PPME1: variants seen among roughly 807,000 people sequenced by gnomAD.
The protein encoded by PPME1 is testicular secretory protein Li 39.
PPME1 carries 17 observed loss-of-function variants against 56.9 expected under a neutral mutation model. The ratio of observed to expected loss-of-function variants is 0.30; its 90% CI spans 0.20 to 0.45. The LOEUF (loss-of-function observed/expected upper bound fraction) is 0.45, where lower values mean the gene tolerates loss of function less well. Among genes scored for constraint, PPME1 ranks in the 20% least tolerant of loss-of-function variants. The pLI is 1.00. For missense variants in PPME1, 357 were observed against 483.2 expected (o/e 0.74, Z 2.45); for synonymous variants, 122 against 156.2 (o/e 0.78, Z 1.63).
chr11:74,242,061 AT>A (rs1859374677), intron 9 of PPME1, among the ~76,000 whole-genome samples: 1 of 152,134 alleles, frequency 6.6e-6, no homozygotes, highest in South Asian at 2.1e-4. Flanking sequence ...AGTCATGAAG[AT>A]TTATACCTAT....
At chr11:74,195,514 T>C (rs1421686885) in intron 1 of PPME1, among the ~76,000 whole-genome samples, 2 of 152,242 alleles carry the variant, frequency 1.3e-5, no homozygotes, top group East Asian at 3.8e-4. Flanking sequence ...CTATTGGTGA[T>C]GCATATTTAG....
intron 1 of PPME1, among the ~76,000 whole-genome samples, chr11:74,181,225 T>G (rs906004639): frequency 6.6e-6 from 1 of 151,562 alleles, no homozygotes; most frequent in African/African-American, 2.4e-5. Flanking sequence ...TTTTTTTGTA[T>G]TTTTAGTAGA....
Position 74,198,089 on chromosome 11 carries a change from A to G in PPME1, c.102-5639A>G, listed in dbSNP as rs1360062425. Among the ~76,000 whole-genome samples, 5 of 152,218 alleles carry G rather than the reference A, an allele frequency of 3.3e-5. No individual in the cohort carries two copies. In the East Asian group the frequency reaches 9.6e-4, roughly 29 times the overall value. ...AATTGTATTCTAACGTAAAAAAATT[A>G]TACAGTTACCTACCAGAGTAGATTT... On this transcript the variant is annotated intron_variant, in intron 1 of 13. Transcript: ENST00000328257.
intron 5 of PPME1, among the ~76,000 whole-genome samples, chr11:74,225,592 A>G (rs1858914256): frequency 6.6e-6 from 1 of 152,178 alleles, no homozygotes; most frequent in African/African-American, 2.4e-5. Context: ...ACGCTTGGAA[A>G]AGTAGTTGTA....
At chr11:74,214,674 TAA>T (rs373436842) in intron 3 of PPME1, among the ~76,000 whole-genome samples, 2,538 of 147,916 alleles carry the variant, frequency 0.017, 42 homozygotes, top group African/African-American at 0.032. Flanking sequence ...ATAACATATT[TAA>T]AATGCTGAAG....
At position 74,222,334 on chromosome 11, in the gene PPME1, A is replaced by G. The variant is rs1237989877; in HGVS notation, c.311A>G (p.Gln104Arg). ...TAGGCAGCGATTATTAGTAGAGTTC[A>G]GTGTAGGATTGTAGCTTTGGATCTG... ...VFTAAIISRVQCRIVALDLRS... is the reference protein window; with the variant it reads ...VFTAAIISRVRCRIVALDLRS... Residue 104 changes from glutamine (Q) to arginine (R), a missense_variant, in exon 4 of 14, where the codon CAG (glutamine) becomes CGG (arginine). Physicochemically the swap from Gln to Arg is conservative, Grantham distance 43. Around this residue, in one of 2 missense-constraint regions of PPME1, gnomAD observed 175 missense variants for 189.4 expected, o/e 0.92. Transcript: ENST00000328257. The G allele has an allele frequency of 1.2e-6, 2 of 1,612,000 alleles. No individual in the cohort carries two copies. The highest frequency in any genetic ancestry group is 2.2e-5 in the East Asian group (1 of 44,862).
At chr11:74,251,794 T>C in intron 13 of PPME1, 79 bp downstream of exon 13, 17 of 1,554,304 alleles carry the variant, frequency 1.1e-5, no homozygotes, top group Admixed American at 1.7e-5. Context: ...ACTGTAAATA[T>C]CTCTGCCTTA....
intron 13 of PPME1, among the ~76,000 whole-genome samples, chr11:74,252,961 TGA>T (rs1158731575): frequency 2.6e-5 from 4 of 152,320 alleles, no homozygotes; most frequent in South Asian, 2.1e-4. Context: ...ACAACCCTCA[TGA>T]GGAGTCATTC....
chr11:74,237,592 T>A (rs536665440), intron 8 of PPME1, among the ~76,000 whole-genome samples: 7 of 152,234 alleles, frequency 4.6e-5, no homozygotes, highest in African/African-American at 1.7e-4. Context: ...TCTTTTTTTT[T>A]AATGTCAGGA....
intron 3 of PPME1, among the ~76,000 whole-genome samples, chr11:74,222,035 T>C (rs535707325): frequency 6.6e-6 from 1 of 152,292 alleles, no homozygotes; most frequent in Admixed American, 6.5e-5. Context: ...GTCTAAAGGC[T>C]CTTAACTGTG....
At chr11:74,177,279 G>A (rs2135590284) in intron 1 of PPME1, among the ~76,000 whole-genome samples, 2 of 152,148 alleles carry the variant, frequency 1.3e-5, no homozygotes, top group East Asian at 3.9e-4. Context: ...TGGACAACAT[G>A]GTGAAACCTC....
chr11:74,207,615 T>C (rs1222955008), intron 3 of PPME1, among the ~76,000 whole-genome samples: 1 of 152,224 alleles, frequency 6.6e-6, no homozygotes, highest in Non-Finnish European at 1.5e-5. Flanking sequence ...GCTGCTACAG[T>C]AGTCAAGTTT....
At chr11:74,238,567 AT>A (rs981696296) in intron 8 of PPME1, 2 of 151,976 alleles carry the variant, frequency 1.3e-5, no homozygotes, top group Admixed American at 1.3e-4. Context: ...TATAATAATA[AT>A]TTTTCTACCA....
chr11:74,227,679 A>G (rs1858965448), intron 5 of PPME1, among the ~76,000 whole-genome samples: 1 of 152,198 alleles, frequency 6.6e-6, no homozygotes. Flanking sequence ...CAAAATTGTA[A>G]TACATCCAGT....
At chr11:74,247,048 C>G in intron 10 of PPME1, 31 bp from the exon 11 acceptor site, 2 of 1,584,504 alleles carry the variant, frequency 1.3e-6, no homozygotes, top group Non-Finnish European at 1.7e-6. Context: ...ACAGCAAAAT[C>G]TGTTTCACAA....
intron 1 of PPME1, among the ~76,000 whole-genome samples, chr11:74,192,320 C>T (rs1235045204): frequency 6.6e-6 from 1 of 152,150 alleles, no homozygotes; most frequent in Non-Finnish European, 1.5e-5. Context: ...ATGCATGTAC[C>T]ACCATTGTAT....
chr11:74,199,092 A>T (rs1858073933), intron 1 of PPME1, among the ~76,000 whole-genome samples: 1 of 152,214 alleles, frequency 6.6e-6, no homozygotes, highest in Admixed American at 6.5e-5. Context: ...GACAGGCAGC[A>T]GGCTGGGTCC....
chr11:74,239,345 T>C (rs771192060), intron 9 of PPME1, 89 bp downstream of exon 9: 8 of 1,509,780 alleles, frequency 5.3e-6, no homozygotes, highest in Non-Finnish European at 6.2e-6. Context: ...ATTGTTCTTT[T>C]TGTTTGCCAT....
At chr11:74,234,727 T>A (rs1859150348) in intron 7 of PPME1, among the ~76,000 whole-genome samples, 1 of 152,196 alleles carries the variant, frequency 6.6e-6, no homozygotes, top group African/African-American at 2.4e-5. Flanking sequence ...ATAACTCTTT[T>A]GAGGAGCTTT....
Sources: allele counts gnomAD v4.1 joint callset (sites outside exome capture counted in the v4.1 genomes callset), GRCh38; gene constraint gnomAD v4.1.1; regional missense constraint gnomAD v4.1.1; transcripts MANE v1.5; gene names NCBI Gene and HGNC (gene_info 2026-07-23, HGNC 2026-07-21).